Variants in RPS6KA2 observed in about 807,000 individuals in gnomAD.
RPS6KA2 encodes ribosomal protein S6 kinase alpha-2.
Under a neutral mutation model 91.8 loss-of-function variants are expected in RPS6KA2, and 42 were observed. The ratio of observed to expected loss-of-function variants is 0.46; its 90% CI spans 0.36 to 0.59. The LOEUF is 0.59. RPS6KA2 is among the 20% of genes least tolerant of loss of function. The pLI, the probability that RPS6KA2 is intolerant of heterozygous loss-of-function variation, is 0.00. For missense variants in RPS6KA2, 798 were observed against 978.5 expected, an observed-to-expected ratio of 0.82 and a Z score of 2.46; for synonymous variants, 414 against 393.6, an observed-to-expected ratio of 1.05 and a Z score of -0.61.
chr6:166,530,925 C>T (rs1583246516), intron 3 of RPS6KA2, among the ~76,000 whole-genome samples: 1 of 152,268 alleles, frequency 6.6e-6, no homozygotes, highest in Non-Finnish European at 1.5e-5. Context: ...CAGGCCCCAT[C>T]CAGCCCAACA....
At chr6:166,682,717 A>G (rs1035914809) in intron 2 of RPS6KA2, among the ~76,000 whole-genome samples, 2 of 152,242 alleles carry the variant, frequency 1.3e-5, no homozygotes, top group African/African-American at 2.4e-5. Flanking sequence ...AAGCTCATTC[A>G]TCGGAAACCA....
At chr6:166,446,384 C>G (rs1309115089) in intron 14 of RPS6KA2, among the ~76,000 whole-genome samples, 1 of 152,114 alleles carries the variant, frequency 6.6e-6, no homozygotes, top group African/African-American at 2.4e-5. Context: ...ACATTATTAC[C>G]CACTGTAGTC....
chr6:166,587,850 G>A (rs951266070), intron 1 of RPS6KA2, among the ~76,000 whole-genome samples: 3 of 152,098 alleles, frequency 2.0e-5, no homozygotes, highest in Non-Finnish European at 4.4e-5. Flanking sequence ...AGGACTTTCC[G>A]GGACTGTGCG....
chr6:166,594,464 T>C, intron 1 of RPS6KA2, among the ~76,000 whole-genome samples: 1 of 149,746 alleles, frequency 6.7e-6, no homozygotes, highest in East Asian at 1.9e-4. Flanking sequence ...ACACATTTTC[T>C]TTTTTTTTTC....
chr6:166,566,643 C>T (rs1784514488), intron 1 of RPS6KA2, among the ~76,000 whole-genome samples: 1 of 152,206 alleles, frequency 6.6e-6, no homozygotes, highest in African/African-American at 2.4e-5. Flanking sequence ...CCATGGGTCT[C>T]TCACACCTCC....
At chr6:166,568,164 C>T (rs1183195847) in intron 1 of RPS6KA2, among the ~76,000 whole-genome samples, 1 of 152,200 alleles carries the variant, frequency 6.6e-6, no homozygotes, top group Admixed American at 6.5e-5. Flanking sequence ...TTAAGAATTT[C>T]ATGAAATCTT....
chr6:166,845,192 T>C (rs575085432), intron 2 of RPS6KA2, among the ~76,000 whole-genome samples: 1 of 152,230 alleles, frequency 6.6e-6, no homozygotes, highest in Admixed American at 6.5e-5. Flanking sequence ...CACCTAACAT[T>C]GGAGCTCCCA....
chr6:166,588,081 C>T (rs192985230), intron 1 of RPS6KA2, among the ~76,000 whole-genome samples: 13 of 152,252 alleles, frequency 8.5e-5, no homozygotes, highest in African/African-American at 3.1e-4. Context: ...AACTTCTTTC[C>T]AAGAAACAGG....
chr6:166,674,368 C>A (rs189111822), intron 2 of RPS6KA2, among the ~76,000 whole-genome samples: 1 of 152,202 alleles, frequency 6.6e-6, no homozygotes, highest in Admixed American at 6.5e-5. Flanking sequence ...ATGTTAGAGG[C>A]CTGTGGTGTC....
chr6:166,642,402 C>A (rs1347987057), intron 2 of RPS6KA2, among the ~76,000 whole-genome samples: 1 of 152,202 alleles, frequency 6.6e-6, no homozygotes, highest in African/African-American at 2.4e-5. Context: ...TAAAGCTAGA[C>A]ACACACGAGC....
intron 2 of RPS6KA2, among the ~76,000 whole-genome samples, chr6:166,841,132 A>AT (rs1370025535): frequency 6.6e-6 from 1 of 151,826 alleles, no homozygotes; most frequent in Non-Finnish European, 1.5e-5. Context: ...AATAAAAAAA[A>AT]AAAAATTAGC....
Position 166,849,969 on chromosome 6 carries a change from G to C in RPS6KA2, c.123+8231C>G, listed in dbSNP as rs930600974. 1.3e-5 allele frequency among the ~76,000 whole-genome samples: 2 copies of C among 152,118 alleles called. No homozygotes were observed. The highest frequency in any genetic ancestry group is 4.8e-5 in the African/African-American group (2 of 41,440). On this transcript the variant is annotated intron_variant, in intron 2 of 21. Transcript: ENST00000503859. The surrounding 1 kb of genome is among the most constrained non-coding windows in gnomAD (Gnocchi z 4.9). Reference sequence around the variant, plus strand: ...TGTGAGACTCCGGGTTCAGGAACGAGGGGCACTCACGCATGGCTCTGCTAT... The same window carrying C: ...TGTGAGACTCCGGGTTCAGGAACGACGGGCACTCACGCATGGCTCTGCTAT...
rs529951987 is a variant in RPS6KA2, at chr6:166,586,001, C to T, written c.99+40920G>A. ...TCTATTTTTTTTAAAGTCTCAACTT[C>T]CAAAAAATCAATAATCCATTCTGTA... On this transcript the variant is annotated intron_variant, in intron 1 of 20. Coordinates refer to ENST00000265678, the MANE Select transcript of RPS6KA2 (RefSeq NM_021135.6). The T allele has an allele frequency of 1.9e-4, 100 of 525,930 alleles. 14 individuals carry two copies. In the African/African-American group the frequency reaches 5.2e-3, roughly 28 times the overall value. 32.6% of individuals were successfully genotyped at this position (525,930 alleles called of 1,614,324 possible).
At chr6:166,538,836 C>A (rs1473944960) in intron 1 of RPS6KA2, 52 bp from the exon 2 acceptor site, 2 of 914,912 alleles carry the variant, frequency 2.2e-6, no homozygotes, top group Admixed American at 1.7e-5. Context: ...TCCCTCAGAG[C>A]CGCTCACAGC....
chr6:166,698,001 C>T (rs747415397), intron 2 of RPS6KA2, among the ~76,000 whole-genome samples: 11 of 151,632 alleles, frequency 7.3e-5, no homozygotes, highest in South Asian at 2.1e-4. Flanking sequence ...GGGAAAGAGT[C>T]GATAGTTAAA....
At chr6:166,517,202 AAC>A (rs765821551) in intron 3 of RPS6KA2, among the ~76,000 whole-genome samples, 2 of 152,184 alleles carry the variant, frequency 1.3e-5, no homozygotes, top group Non-Finnish European at 2.9e-5. Flanking sequence ...AAAACAAAAA[AAC>A]ACAAAGCTGG....
intron 2 of RPS6KA2, chr6:166,702,550 A>C (rs1789556806): frequency 1.4e-6 from 2 of 1,444,228 alleles, no homozygotes; most frequent in Admixed American, 3.3e-5. Flanking sequence ...TCAACTATCC[A>C]GCACCTCCCA....
intron 10 of RPS6KA2, among the ~76,000 whole-genome samples, chr6:166,485,722 C>CGG (rs199927963): frequency 1.9e-4 from 29 of 152,016 alleles, no homozygotes; most frequent in Middle Eastern, 3.2e-3. Flanking sequence ...CGGTGATGAA[C>CGG]GGGGGGGTCT....
chr6:166,644,112 T>C (rs891788904), intron 2 of RPS6KA2, among the ~76,000 whole-genome samples: 1 of 152,192 alleles, frequency 6.6e-6, no homozygotes, highest in Non-Finnish European at 1.5e-5. Flanking sequence ...TGACAATTGG[T>C]TCCCTCTCTC....
Sources: allele counts gnomAD v4.1 joint callset (sites outside exome capture counted in the v4.1 genomes callset), GRCh38; gene constraint gnomAD v4.1.1; non-coding constraint Gnocchi (gnomAD v3.1); transcripts MANE v1.5; gene names NCBI Gene and HGNC (gene_info 2026-07-23, HGNC 2026-07-21).